Variants in CDH18 observed in about 807,000 individuals in gnomAD.
CDH18 encodes cadherin-18.
In CDH18, 31 loss-of-function variants were observed where a neutral mutation model predicts 67.9. The observed-to-expected ratio is 0.46, with a 90% CI of 0.34 to 0.62. The LOEUF is 0.62. CDH18 is among the 20% of genes least tolerant of loss of function. CDH18 has a pLI of 0.01. For synonymous variants in CDH18, 362 were observed against 347.2 expected, an observed-to-expected ratio of 1.04 and a Z score of -0.48; for missense variants, 890 against 975.5, an observed-to-expected ratio of 0.91 and a Z score of 1.17.
At chr5:20,528,460 G>A (rs34761558) in intron 1 of CDH18, among the ~76,000 whole-genome samples, 60,509 of 151,768 alleles carry the variant, frequency 0.4, 13,562 homozygotes, top group East Asian at 0.56. Context: ...ATTTTATCTC[G>A]GCACCACATG....
intron 1 of CDH18, among the ~76,000 whole-genome samples, chr5:20,358,385 G>T (rs569890351): frequency 5.3e-5 from 8 of 152,260 alleles, no homozygotes; most frequent in African/African-American, 1.9e-4. Context: ...TTTGACATAA[G>T]AATATAGATA....
At chr5:19,725,079 A>C (rs1415494660) in intron 4 of CDH18, among the ~76,000 whole-genome samples, 1 of 151,978 alleles carries the variant, frequency 6.6e-6, no homozygotes, top group East Asian at 2.0e-4. Context: ...GGCGCCCGCC[A>C]CCACGCCTGG....
chr5:19,604,349 T>C (rs1305150437), intron 6 of CDH18, among the ~76,000 whole-genome samples: 1 of 152,046 alleles, frequency 6.6e-6, no homozygotes, highest in African/African-American at 2.4e-5. Context: ...AGTATTTACT[T>C]GAGAAAGTGA....
At chr5:19,603,417 A>G (rs1747492424) in intron 6 of CDH18, among the ~76,000 whole-genome samples, 2 of 152,176 alleles carry the variant, frequency 1.3e-5, no homozygotes, top group Non-Finnish European at 2.9e-5. Flanking sequence ...CAAGACGAAA[A>G]GACTTCTGTA....
intron 2 of CDH18, among the ~76,000 whole-genome samples, chr5:20,189,724 C>G (rs74793739): frequency 1.1e-4 from 17 of 152,104 alleles, no homozygotes; most frequent in Non-Finnish European, 2.4e-4. Flanking sequence ...TATACTACCT[C>G]GCTTCACTCA....
chr5:20,411,841 G>C (rs1386483582), intron 1 of CDH18, among the ~76,000 whole-genome samples: 1 of 151,618 alleles, frequency 6.6e-6, no homozygotes, highest in Non-Finnish European at 1.5e-5. Flanking sequence ...GTGAAAAATT[G>C]CTACAAGGAG....
chr5:19,690,090 T>A (rs1311558873), intron 5 of CDH18, among the ~76,000 whole-genome samples: 4 of 151,178 alleles, frequency 2.6e-5, no homozygotes, highest in African/African-American at 4.8e-5. Context: ...TGTGTATATA[T>A]ATATATACAT....
chr5:19,820,887 A>G (rs1486586010), intron 3 of CDH18, among the ~76,000 whole-genome samples: 2 of 152,194 alleles, frequency 1.3e-5, no homozygotes, highest in Non-Finnish European at 2.9e-5. Context: ...CCAATCCATA[A>G]TACATAACAT....
chr5:20,481,298 A>G (rs1287881179), intron 1 of CDH18, among the ~76,000 whole-genome samples: 1 of 152,134 alleles, frequency 6.6e-6, no homozygotes, highest in Non-Finnish European at 1.5e-5. Context: ...TTGTAAATAC[A>G]TATGCAGTCA....
intron 3 of CDH18, among the ~76,000 whole-genome samples, chr5:19,836,194 C>A (rs1781605557): frequency 6.6e-6 from 1 of 151,962 alleles, no homozygotes; most frequent in Non-Finnish European, 1.5e-5. Flanking sequence ...CCAAAAAGGG[C>A]AATTTTAATG....
intron 2 of CDH18, among the ~76,000 whole-genome samples, chr5:19,929,826 G>A (rs1308444229): frequency 1.3e-5 from 2 of 152,004 alleles, no homozygotes; most frequent in Admixed American, 1.3e-4. Context: ...ATTTATATAT[G>A]TTGAACTTTC....
intron 7 of CDH18, among the ~76,000 whole-genome samples, chr5:19,576,031 C>A (rs1470798883): frequency 6.6e-6 from 1 of 152,072 alleles, no homozygotes; most frequent in African/African-American, 2.4e-5. Context: ...GCAAAGTACC[C>A]GTAGGGGCAG....
intron 2 of CDH18, among the ~76,000 whole-genome samples, chr5:19,961,129 G>A (rs1192457928): frequency 2.2e-5 from 3 of 137,502 alleles, no homozygotes; most frequent in East Asian, 2.2e-4. Flanking sequence ...TTGAGATGGA[G>A]TCTCATTCTG....
chr5:20,531,398 A>G (rs1020030221), intron 1 of CDH18, among the ~76,000 whole-genome samples: 2 of 152,136 alleles, frequency 1.3e-5, no homozygotes, highest in African/African-American at 4.8e-5. Context: ...GTATATACAC[A>G]AAGAAATATA....
In CDH18 at chr5:19,473,470, A is replaced by G. The variant is rs1370658771; in HGVS notation, c.2129T>C (p.Ile710Thr). 6.8e-6 allele frequency: 11 copies of G among 1,613,670 alleles called. No homozygotes were observed. The highest frequency in any genetic ancestry group is 9.3e-6 in the Non-Finnish European group (11 of 1,179,802). The change falls in exon 13 of 13, where the codon ATA (isoleucine) becomes ACA (threonine). Residue 710 changes from isoleucine to threonine, a missense_variant. By Grantham distance (89) the Ile-to-Thr change is moderately conservative. This residue lies in a region of CDH18 where 656 missense variants were observed against 668.1 expected (regional missense o/e 0.98). Coordinates refer to ENST00000382275, the MANE Select transcript of CDH18 (RefSeq NM_004934.5). ...TTGCTTAATAAATTCCTGAACATCT[A>G]TGCTTTCCAGGGTGGATGATGTCTG... ...RHQTSSTLES[I>T]DVQEFIKQRL... is the part of the protein sequence containing the mutation.
chr5:20,335,361 A>C (rs1739628586), intron 1 of CDH18, among the ~76,000 whole-genome samples: 1 of 151,988 alleles, frequency 6.6e-6, no homozygotes, highest in Non-Finnish European at 1.5e-5. Flanking sequence ...TATTTCCTTC[A>C]GACTTTTTCT....
At chr5:19,704,393 A>C (rs1330669514) in intron 5 of CDH18, among the ~76,000 whole-genome samples, 3 of 152,150 alleles carry the variant, frequency 2.0e-5, no homozygotes, top group Admixed American at 6.6e-5. Flanking sequence ...ACCAGTTATA[A>C]CTTTTGTACC....
At chr5:20,162,178 G>A (rs891189727) in intron 2 of CDH18, among the ~76,000 whole-genome samples, 1 of 151,746 alleles carries the variant, frequency 6.6e-6, no homozygotes, top group Non-Finnish European at 1.5e-5. Context: ...AATGTCCTCA[G>A]GGCAAAAATC....
chr5:20,218,790 C>A (rs1740985863), intron 2 of CDH18, among the ~76,000 whole-genome samples: 1 of 151,900 alleles, frequency 6.6e-6, no homozygotes, highest in Non-Finnish European at 1.5e-5. Flanking sequence ...GCCTCCCCAG[C>A]CAAGTGGAAC....
Sources: gnomAD v4.1 joint callset for allele counts (sites outside exome capture counted in the v4.1 genomes callset) on GRCh38, gnomAD v4.1.1 for gene constraint, gnomAD v4.1.1 regional missense constraint, MANE v1.5 for transcripts, NCBI Gene and HGNC (gene_info 2026-07-23, HGNC 2026-07-21) for gene names.